Variants in TSHZ2 observed in about 807,000 individuals in gnomAD.
The protein encoded by TSHZ2 is teashirt homolog 2.
A neutral mutation model predicts 74.4 loss-of-function variants in TSHZ2; 21 were observed. The ratio of observed to expected loss-of-function variants is 0.28; its 90% CI spans 0.20 to 0.41. The LOEUF (loss-of-function observed/expected upper bound fraction) is 0.41. TSHZ2 is among the 10% of genes least tolerant of loss of function. The pLI, the probability that TSHZ2 is intolerant of heterozygous loss-of-function variation, is 1.00. For missense variants in TSHZ2, 1,244 were observed against 1,293.5 expected (o/e 0.96, Z 0.59); for synonymous variants, 540 against 515.3 (o/e 1.05, Z -0.65).
rs567574384 is a variant in TSHZ2, at chr20:53,241,917, G to A, written c.41-11582G>A. Among the ~76,000 whole-genome samples, 25 of 152,176 alleles carry A rather than the reference G, an allele frequency of 1.6e-4. 1 individual carries two copies. In the South Asian group the frequency reaches 4.8e-3, roughly 29 times the overall value. ...TCCATCCTGTAACACCTATGAGGGT[G>A]GTACACACACTTTCTCCTCTATTAG... is the stretch of plus-strand genomic sequence containing the variant. On this transcript the variant is annotated intron_variant, in intron 1 of 2. Coordinates refer to ENST00000371497, the MANE Select transcript of TSHZ2 (RefSeq NM_173485.6).
intron 2 of TSHZ2, among the ~76,000 whole-genome samples, chr20:53,281,352 G>C (rs1282819207): frequency 6.6e-6 from 1 of 152,104 alleles, no homozygotes; most frequent in Admixed American, 6.6e-5. Flanking sequence ...AAAAAAGCTT[G>C]GTGTATTTAA....
intron 1 of TSHZ2, among the ~76,000 whole-genome samples, chr20:53,089,599 T>G (rs941178996): frequency 2.0e-5 from 3 of 152,176 alleles, no homozygotes; most frequent in Non-Finnish European, 4.4e-5. Flanking sequence ...TTGGAGGGAC[T>G]GACATTAACC....
chr20:53,376,781 G>T (rs1337023587), intron 2 of TSHZ2, among the ~76,000 whole-genome samples: 1 of 152,202 alleles, frequency 6.6e-6, no homozygotes, highest in Non-Finnish European at 1.5e-5. Context: ...CAACATGGTG[G>T]TCTCAACACA....
intron 1 of TSHZ2, among the ~76,000 whole-genome samples, chr20:53,005,141 G>A (rs1038088336): frequency 2.6e-5 from 4 of 151,988 alleles, no homozygotes; most frequent in Non-Finnish European, 4.4e-5. Flanking sequence ...GTGAAACCCT[G>A]TCTCTACTAA....
intron 1 of TSHZ2, among the ~76,000 whole-genome samples, chr20:53,115,907 A>G (rs895841448): frequency 6.6e-6 from 1 of 152,258 alleles, no homozygotes; most frequent in South Asian, 2.1e-4. Flanking sequence ...AAGAACAACA[A>G]AGGAATGAGT....
chr20:53,072,975 A>C (rs1369311642), intron 1 of TSHZ2, among the ~76,000 whole-genome samples: 3 of 147,898 alleles, frequency 2.0e-5, no homozygotes, highest in Non-Finnish European at 1.5e-5. Context: ...CTATCCCTCC[A>C]TCCATCCCTC....
At chr20:53,012,269 T>G (rs560760090) in intron 1 of TSHZ2, among the ~76,000 whole-genome samples, 1 of 152,282 alleles carries the variant, frequency 6.6e-6, no homozygotes, top group South Asian at 2.1e-4. Context: ...CCTTATCACC[T>G]TCCGTTCTTG....
chr20:53,441,476 A>G (rs1280981987), intron 2 of TSHZ2, among the ~76,000 whole-genome samples: 2 of 151,824 alleles, frequency 1.3e-5, no homozygotes, highest in Non-Finnish European at 2.9e-5. Context: ...TTTAGTAGAA[A>G]TGGGGTTTCA....
chr20:53,408,127 G>A (rs566328729), intron 2 of TSHZ2, among the ~76,000 whole-genome samples: 9 of 152,258 alleles, frequency 5.9e-5, no homozygotes, highest in East Asian at 3.9e-4. Flanking sequence ...GCTGGTGTCC[G>A]GCTGTGTCTG....
chr20:53,367,449 A>G (rs1981305602), intron 2 of TSHZ2, among the ~76,000 whole-genome samples: 1 of 152,104 alleles, frequency 6.6e-6, no homozygotes, highest in Non-Finnish European at 1.5e-5. Context: ...TTTAAAAAAC[A>G]ACTTTACTCT....
At chr20:53,281,718 C>T (rs574808610) in intron 2 of TSHZ2, among the ~76,000 whole-genome samples, 9 of 152,154 alleles carry the variant, frequency 5.9e-5, no homozygotes, top group African/African-American at 2.2e-4. Context: ...CCAGGAAGAA[C>T]CAGTAAGGGA....
chr20:52,994,325 A>AATGAATGGATGAATGG (rs770693296), intron 1 of TSHZ2, among the ~76,000 whole-genome samples: 2 of 151,922 alleles, frequency 1.3e-5, no homozygotes, highest in Non-Finnish European at 2.9e-5. Context: ...TAGACGGGTG[A>AATGAATGGATGAATGG]ATGAATGGAT....
At chr20:53,162,249 A>G (rs1987958365) in intron 1 of TSHZ2, among the ~76,000 whole-genome samples, 2 of 152,206 alleles carry the variant, frequency 1.3e-5, no homozygotes, top group Non-Finnish European at 2.9e-5. Flanking sequence ...AGTTTCCTCT[A>G]AAGAACTTCA....
rs569811465 is a variant in TSHZ2 at position 53,463,604 on chromosome 20, C to T, written c.*9-23540C>T. On this transcript the variant is annotated intron_variant, in intron 2 of 2. Transcript: ENST00000371497. ...GTAGAAATAAGTGAATAAATGAATCCTATCTGAGAGCAGTAGTTCTCAATC... is the reference window on the plus strand; with the variant it reads ...GTAGAAATAAGTGAATAAATGAATCTTATCTGAGAGCAGTAGTTCTCAATC... Among the ~76,000 whole-genome samples the T allele has an allele frequency of 7.2e-4, 109 of 152,226 alleles. No individual in the cohort carries two copies. The Middle Eastern group carries it at 0.014, about 19-fold the overall frequency.
At chr20:53,405,302 G>A (rs1004256979) in intron 2 of TSHZ2, among the ~76,000 whole-genome samples, 7 of 151,644 alleles carry the variant, frequency 4.6e-5, no homozygotes, top group Admixed American at 2.6e-4. Context: ...GTTGTAACTT[G>A]AAGTAGTATC....
At chr20:53,354,014 C>A (rs748009217) in intron 2 of TSHZ2, among the ~76,000 whole-genome samples, 1 of 152,198 alleles carries the variant, frequency 6.6e-6, no homozygotes, top group African/African-American at 2.4e-5. Flanking sequence ...AGACCAGGGA[C>A]TGACTGACCA....
intron 2 of TSHZ2, among the ~76,000 whole-genome samples, chr20:53,376,536 GC>G (rs1228517243): frequency 3.3e-5 from 5 of 152,214 alleles, no homozygotes; most frequent in Non-Finnish European, 1.5e-5. Flanking sequence ...ATCTCTCACA[GC>G]CTAGGAGTTG....
At chr20:53,225,760 A>T (rs1326924081) in intron 1 of TSHZ2, among the ~76,000 whole-genome samples, 1 of 152,214 alleles carries the variant, frequency 6.6e-6, no homozygotes, top group Non-Finnish European at 1.5e-5. Flanking sequence ...TCCAAAAGCA[A>T]GTCTCTTTCC....
intron 1 of TSHZ2, among the ~76,000 whole-genome samples, chr20:53,103,265 G>A (rs926924526): frequency 2.6e-5 from 4 of 152,008 alleles, no homozygotes; most frequent in Non-Finnish European, 5.9e-5. Context: ...TCCTGTATCC[G>A]AGCAAAAATG....
Sources: allele counts gnomAD v4.1 joint callset (sites outside exome capture counted in the v4.1 genomes callset), GRCh38; gene constraint gnomAD v4.1.1; transcripts MANE v1.5; gene names NCBI Gene and HGNC (gene_info 2026-07-23, HGNC 2026-07-21).